Variants in CPQ observed in about 807,000 individuals in gnomAD.
The protein encoded by CPQ is carboxypeptidase Q.
Under a neutral mutation model 45.7 loss-of-function variants are expected in CPQ, and 37 were observed. That is an observed-to-expected ratio of 0.81 (90% confidence interval 0.62 to 1.07). CPQ has a LOEUF of 1.07. CPQ is among the 50% of genes least tolerant of loss of function. CPQ has a pLI of 0.00. For missense variants in CPQ, 537 were observed against 572.9 expected, an observed-to-expected ratio of 0.94 and a Z score of 0.64; for synonymous variants, 186 against 205.8, an observed-to-expected ratio of 0.90 and a Z score of 0.82.
chr8:97,016,240 G>T (rs77411285), intron 5 of CPQ, among the ~76,000 whole-genome samples: 4,202 of 152,198 alleles, frequency 0.028, 90 homozygotes, highest in Non-Finnish European at 0.035. Context: ...ATTTTGAGTA[G>T]ACCCAGCTGT....
chr8:96,674,804 G>T (rs1454319501), intron 1 of CPQ, among the ~76,000 whole-genome samples: 1 of 152,086 alleles, frequency 6.6e-6, no homozygotes, highest in Non-Finnish European at 1.5e-5. Flanking sequence ...GGACACGAAG[G>T]TAAAGAAAAA....
At chr8:96,806,177 T>A (rs995867808) in intron 2 of CPQ, among the ~76,000 whole-genome samples, 2 of 152,206 alleles carry the variant, frequency 1.3e-5, no homozygotes, top group Admixed American at 1.3e-4. Flanking sequence ...TAGGTTTGGC[T>A]GTGTGTTTGT....
intron 4 of CPQ, among the ~76,000 whole-genome samples, chr8:96,919,395 TCTAA>T (rs567596566): frequency 6.6e-6 from 1 of 152,242 alleles, no homozygotes; most frequent in African/African-American, 2.4e-5. Flanking sequence ...AGGAATCATA[TCTAA>T]CTAACTAACG....
intron 4 of CPQ, among the ~76,000 whole-genome samples, chr8:96,962,761 T>A (rs1035880006): frequency 2.2e-4 from 33 of 152,342 alleles, no homozygotes; most frequent in African/African-American, 7.7e-4. Context: ...TTTCTAAGTG[T>A]ATGCAGAAGC....
intron 6 of CPQ, among the ~76,000 whole-genome samples, chr8:97,037,103 A>G (rs1810017867): frequency 6.6e-6 from 1 of 152,200 alleles, no homozygotes; most frequent in Non-Finnish European, 1.5e-5. Flanking sequence ...ATTCCTCTTT[A>G]TGTATAGAAA....
intron 4 of CPQ, among the ~76,000 whole-genome samples, chr8:96,938,009 CA>C (rs1409249555): frequency 7.9e-5 from 12 of 151,980 alleles, no homozygotes; most frequent in Non-Finnish European, 2.9e-5. Context: ...TTGTTTTGCC[CA>C]AAAAATTACA....
At chr8:96,720,324 CA>C (rs1230694291) in intron 1 of CPQ, among the ~76,000 whole-genome samples, 3 of 151,902 alleles carry the variant, frequency 2.0e-5, no homozygotes, top group Non-Finnish European at 4.4e-5. Flanking sequence ...TGGATCTAGT[CA>C]TTTTTTTATT....
chr8:96,958,605 C>G (rs1813397047), intron 4 of CPQ, among the ~76,000 whole-genome samples: 3 of 152,076 alleles, frequency 2.0e-5, no homozygotes, highest in Admixed American at 2.0e-4. Flanking sequence ...CTTGCAAATC[C>G]ACTGCAATCA....
At chr8:96,843,129 A>G (rs547901178) in intron 3 of CPQ, among the ~76,000 whole-genome samples, 1 of 151,180 alleles carries the variant, frequency 6.6e-6, no homozygotes, top group Admixed American at 6.6e-5. Flanking sequence ...CTGGTCTTGA[A>G]CTCTCGACCT....
intron 7 of CPQ, among the ~76,000 whole-genome samples, chr8:97,082,688 T>C (rs1421138273): frequency 6.6e-6 from 1 of 152,174 alleles, no homozygotes; most frequent in Non-Finnish European, 1.5e-5. Context: ...TCCAGTTTAC[T>C]TGAGACGCTC....
intron 5 of CPQ, among the ~76,000 whole-genome samples, chr8:97,006,343 T>G (rs900818978): frequency 6.6e-6 from 1 of 152,144 alleles, no homozygotes; most frequent in African/African-American, 2.4e-5. Flanking sequence ...CTTAGATTTA[T>G]ACAAACCCGA....
At position 96,646,868 on chromosome 8, in the gene CPQ, C is replaced by T. The variant is rs75161414; in HGVS notation, c.-35+1466C>T. ...TTGCTGTTTACAGCTCATTTCCTTT[C>T]TTCTCCACATCTGCAACAAGAAAGC... On this transcript the variant is annotated intron_variant, in intron 1 of 7. Coordinates refer to ENST00000220763, the MANE Select transcript of CPQ (RefSeq NM_016134.4). 6.5e-3 allele frequency among the ~76,000 whole-genome samples: 989 copies of T among 152,298 alleles called. 7 individuals are homozygous for T. The highest frequency in any genetic ancestry group is 0.011 in the Non-Finnish European group (742 of 68,022).
At chr8:96,802,748 C>A (rs1198208472) in intron 2 of CPQ, among the ~76,000 whole-genome samples, 1 of 152,092 alleles carries the variant, frequency 6.6e-6, no homozygotes, top group East Asian at 1.9e-4. Flanking sequence ...AAATAAACCA[C>A]TGGGACCAGA....
At chr8:96,657,571 T>C (rs891891451) in intron 1 of CPQ, among the ~76,000 whole-genome samples, 1 of 152,358 alleles carries the variant, frequency 6.6e-6, no homozygotes, top group East Asian at 1.9e-4. Context: ...TGAAGCCAAG[T>C]GAAGCCTGGG....
chr8:97,052,882 G>A (rs2130508679), intron 6 of CPQ, among the ~76,000 whole-genome samples: 1 of 152,278 alleles, frequency 6.6e-6, no homozygotes, highest in Middle Eastern at 3.4e-3. Context: ...TATAATGGAT[G>A]TTGTAAACAT....
intron 3 of CPQ, among the ~76,000 whole-genome samples, chr8:96,856,595 T>C (rs548260826): frequency 3.3e-4 from 50 of 152,328 alleles, no homozygotes; most frequent in African/African-American, 1.2e-3. Flanking sequence ...GTTCCTTGAA[T>C]GTATGTGTAT....
At chr8:96,862,771 G>A (rs1811943689) in intron 3 of CPQ, among the ~76,000 whole-genome samples, 1 of 152,010 alleles carries the variant, frequency 6.6e-6, no homozygotes, top group South Asian at 2.1e-4. Context: ...TACCTGTTTT[G>A]CTTGTGGCTA....
chr8:97,031,094 C>T (rs1488937415), intron 6 of CPQ, among the ~76,000 whole-genome samples: 4 of 151,542 alleles, frequency 2.6e-5, no homozygotes, highest in South Asian at 4.2e-4. Flanking sequence ...ACTTTATCCT[C>T]GAGGCAAGAG....
At chr8:96,841,236 G>A (rs1369202433) in intron 3 of CPQ, among the ~76,000 whole-genome samples, 3 of 152,060 alleles carry the variant, frequency 2.0e-5, no homozygotes, top group African/African-American at 7.2e-5. Flanking sequence ...CCATTAATCT[G>A]GTCTTTATAT....
Sources: allele counts gnomAD v4.1 joint callset (sites outside exome capture counted in the v4.1 genomes callset), GRCh38; gene constraint gnomAD v4.1.1; transcripts MANE v1.5; gene names NCBI Gene and HGNC (gene_info 2026-07-23, HGNC 2026-07-21).